The following GSK3B variants were observed in gnomAD, a reference collection of about 807,000 sequenced individuals.
The protein encoded by GSK3B is glycogen synthase kinase 3 beta, also known as glycogen synthase kinase-3 beta.
In GSK3B, 15 loss-of-function variants were observed where a neutral mutation model predicts 56.4. That is an observed-to-expected ratio of 0.27 (90% CI 0.18 to 0.41). The LOEUF (loss-of-function observed/expected upper bound fraction) is 0.41, where lower values mean the gene tolerates loss of function less well. Ranked by LOEUF, GSK3B falls within the 10% of genes least tolerant of loss-of-function variation. The pLI is 1.00. For missense variants in GSK3B, 300 were observed against 513.4 expected, an observed-to-expected ratio of 0.58 and a Z score of 4.02; for synonymous variants, 181 against 188.9, an observed-to-expected ratio of 0.96 and a Z score of 0.34.
intron 2 of GSK3B, among the ~76,000 whole-genome samples, chr3:119,979,398 G>T (rs1408524387): frequency 2.6e-5 from 4 of 151,824 alleles, no homozygotes; most frequent in Admixed American, 1.3e-4. Flanking sequence ...TTATCCCCCT[G>T]CATCTGCTCC....
At chr3:119,853,983 C>A (rs771218021) in intron 9 of GSK3B, among the ~76,000 whole-genome samples, 20 of 152,100 alleles carry the variant, frequency 1.3e-4, no homozygotes, top group Non-Finnish European at 2.6e-4. Flanking sequence ...AGAAAGGGAA[C>A]CCCTGTCTTG....
Position 119,824,355 on chromosome 3 carries a change from A to G in GSK3B, c.*2433T>C, listed in dbSNP as rs908885017. On this transcript the variant is annotated 3_prime_UTR_variant, in exon 11 of 11. Transcript: ENST00000264235. ...CACACACACACACACACACACACGC[A>G]CACATGCACACACAATGAAATGAGA... The G allele has an allele frequency of 4.0e-5, 9 of 223,080 alleles. No individual in the cohort carries two copies. The highest frequency in any genetic ancestry group is 8.1e-5 in the Non-Finnish European group (9 of 111,720). The allele number at this position is 223,080 out of a possible 1,614,324, so 13.8% of individuals were successfully genotyped here. A position where few individuals can be genotyped will look rare whatever the true frequency, so the allele number is the denominator to read the frequency against.
At chr3:119,891,906 A>T (rs1239891532) in intron 7 of GSK3B, among the ~76,000 whole-genome samples, 1 of 152,174 alleles carries the variant, frequency 6.6e-6, no homozygotes, top group Non-Finnish European at 1.5e-5. Flanking sequence ...GATGTTGTTC[A>T]TCCCCTTACT....
intron 3 of GSK3B, among the ~76,000 whole-genome samples, chr3:119,939,043 G>C (rs2057022355): frequency 6.6e-6 from 1 of 151,628 alleles, no homozygotes; most frequent in South Asian, 2.1e-4. Context: ...GTATGTGCAA[G>C]ATATTCCAAG....
chr3:119,907,770 C>A (rs775924628), intron 6 of GSK3B, among the ~76,000 whole-genome samples: 1 of 152,118 alleles, frequency 6.6e-6, no homozygotes, highest in Non-Finnish European at 1.5e-5. Context: ...TAAAGTTAAA[C>A]GACTTGCCCA....
chr3:119,832,609 G>T (rs1228285044), intron 10 of GSK3B, among the ~76,000 whole-genome samples: 1 of 152,118 alleles, frequency 6.6e-6, no homozygotes, highest in East Asian at 1.9e-4. Context: ...CTAAGAAACT[G>T]TACAAGACAA....
chr3:119,939,378 G>A (rs1256246715), intron 3 of GSK3B, among the ~76,000 whole-genome samples: 1 of 152,068 alleles, frequency 6.6e-6, no homozygotes, highest in Non-Finnish European at 1.5e-5. Flanking sequence ...TACCTTTTAG[G>A]TAACTGAAGA....
chr3:119,953,277 G>A lies in GSK3B; in HGVS notation c.283-5926C>T, dbSNP rs556201816. Reference sequence around the variant, plus strand: ...AACACAGAAGATAGTAACGAAGAACGGAAGAACAAATATAACATGAGAGAT... The same window carrying A: ...AACACAGAAGATAGTAACGAAGAACAGAAGAACAAATATAACATGAGAGAT... On this transcript the variant is annotated intron_variant, in intron 2 of 10. Transcript: ENST00000264235. 8.3e-5 allele frequency among the ~76,000 whole-genome samples: 12 copies of A among 144,316 alleles called. No individual in the cohort carries two copies. In the South Asian group the frequency reaches 1.1e-3, roughly 13 times the overall value. 94.7% of individuals were successfully genotyped at this position (144,316 alleles called of 152,430 possible). A position where few individuals can be genotyped will look rare whatever the true frequency, so the allele number is the denominator to read the frequency against.
intron 4 of GSK3B, among the ~76,000 whole-genome samples, chr3:119,918,750 A>C (rs1361569642): frequency 6.6e-6 from 1 of 152,124 alleles, no homozygotes; most frequent in Non-Finnish European, 1.5e-5. Flanking sequence ...CATTTTATTC[A>C]AAGTTGGTAC....
intron 2 of GSK3B, among the ~76,000 whole-genome samples, chr3:119,958,920 G>C (rs1434919405): frequency 6.6e-6 from 1 of 151,982 alleles, no homozygotes; most frequent in Non-Finnish European, 1.5e-5. Context: ...CCTTACTCAG[G>C]AGAAACTAGA....
chr3:120,033,108 T>G lies in GSK3B; in HGVS notation c.89-30869A>C, dbSNP rs1429479053. Among the ~76,000 whole-genome samples the G allele has an allele frequency of 2.0e-5, 3 of 152,336 alleles. No individual in the cohort carries two copies. The East Asian group carries it at 5.8e-4, about 29-fold the overall frequency. On this transcript the variant is annotated intron_variant, in intron 1 of 10. Transcript: ENST00000264235. ...TATATAGGTGGAATCATATGATACT[T>G]GGTCTTTTGTGCTTGGCTTCTTTTA... is the stretch of plus-strand genomic sequence containing the variant.
chr3:119,945,913 T>C (rs1364735685), intron 3 of GSK3B, among the ~76,000 whole-genome samples: 1 of 152,046 alleles, frequency 6.6e-6, no homozygotes, highest in Non-Finnish European at 1.5e-5. Flanking sequence ...AGAGTGTACT[T>C]GTGAACCTAA....
intron 1 of GSK3B, among the ~76,000 whole-genome samples, chr3:120,065,074 T>C (rs1009224599): frequency 2.0e-5 from 3 of 152,136 alleles, no homozygotes; most frequent in African/African-American, 7.2e-5. Context: ...AATGCTCTTT[T>C]TAGATATGAT....
chr3:119,912,817 GA>G lies in GSK3B; in HGVS notation c.609-8del. 75 of 1,446,380 alleles carry G rather than the reference GA, an allele frequency of 5.2e-5. No homozygotes were observed. The highest frequency in any genetic ancestry group is 1.8e-4 in the Middle Eastern group (1 of 5,632). The allele number at this position is 1,446,380 out of a possible 1,614,324, so 89.6% of individuals were successfully genotyped here. A position where few individuals can be genotyped will look rare whatever the true frequency, so the allele number is the denominator to read the frequency against. On this transcript the variant is annotated splice_polypyrimidine_tract_variant and splice_region_variant and intron_variant, in intron 5 of 10. Transcript: ENST00000264235. ...TCGGACCAGCTGCTTTGCACTAACA[GA>G]AAAAAAATAAAAATAAAAAGCAGAA...
intron 7 of GSK3B, among the ~76,000 whole-genome samples, chr3:119,892,260 T>C (rs1033044575): frequency 6.6e-6 from 1 of 152,218 alleles, no homozygotes; most frequent in African/African-American, 2.4e-5. Context: ...TAATGTGATC[T>C]GGCCACTGTC....
At chr3:119,958,403 G>GGGTA (rs2057237025) in intron 2 of GSK3B, among the ~76,000 whole-genome samples, 2 of 151,536 alleles carry the variant, frequency 1.3e-5, no homozygotes, top group African/African-American at 2.4e-5. Flanking sequence ...GTGGGTGGGT[G>GGGTA]TGGCAGCTCA....
intron 7 of GSK3B, among the ~76,000 whole-genome samples, chr3:119,890,458 C>A (rs1003113557): frequency 6.6e-6 from 1 of 152,004 alleles, no homozygotes; most frequent in African/African-American, 2.4e-5. Context: ...TCAATGATCA[C>A]CTGAGACAGA....
At chr3:120,045,038 T>C (rs2058091812) in intron 1 of GSK3B, among the ~76,000 whole-genome samples, 1 of 152,188 alleles carries the variant, frequency 6.6e-6, no homozygotes, top group East Asian at 1.9e-4. Context: ...CTTGTACTCA[T>C]TCTTATTGGG....
chr3:119,885,402 T>C (rs1418428553), intron 7 of GSK3B, among the ~76,000 whole-genome samples: 3 of 152,156 alleles, frequency 2.0e-5, no homozygotes, highest in South Asian at 2.1e-4. Flanking sequence ...TCCATGCTCA[T>C]GGATTGGAAG....
Sources: gnomAD v4.1 joint callset for allele counts (sites outside exome capture counted in the v4.1 genomes callset) on GRCh38, gnomAD v4.1.1 for gene constraint, MANE v1.5 for transcripts, NCBI Gene and HGNC (gene_info 2026-07-23, HGNC 2026-07-21) for gene names.